Variants in CRX observed in about 807,000 individuals in gnomAD.
CRX encodes the protein cone-rod homeobox, also known as cone-rod homeobox protein.
In CRX, 5 loss-of-function variants were observed where a neutral mutation model predicts 13.1. The observed-to-expected ratio is 0.38, with a 90% CI of 0.20 to 0.80. CRX has a LOEUF of 0.80. CRX is among the 30% of genes least tolerant of loss of function. The pLI, the probability that CRX is intolerant of heterozygous loss-of-function variation, is 0.43. For missense variants in CRX, 351 were observed against 391.8 expected, an observed-to-expected ratio of 0.90 and a Z score of 0.88; for synonymous variants, 179 against 171.1, an observed-to-expected ratio of 1.05 and a Z score of -0.36.
chr19:47,823,170 C>T (rs1286139317), intron 1 of CRX, among the ~76,000 whole-genome samples: 1 of 152,132 alleles, frequency 6.6e-6, no homozygotes, highest in South Asian at 2.1e-4. Flanking sequence ...CCTTGTCTGT[C>T]TTGCTCTCGG....
chr19:47,840,006 C>A lies in CRX; in HGVS notation c.*39C>A. The A allele has an allele frequency of 6.2e-7, 1 of 1,607,058 alleles. No homozygotes were observed. The highest frequency in any genetic ancestry group is 8.5e-7 in the Non-Finnish European group (1 of 1,179,130). On this transcript the variant is annotated 3_prime_UTR_variant, in exon 4 of 4. Coordinates refer to ENST00000221996, the MANE Select transcript of CRX (RefSeq NM_000554.6). ...CATCTCTCTCCATCGGGCCTCGGGA[C>A]CCTTTCTCTTCTGAATCTGCTTCCC...
At chr19:47,826,608 GACCAAA>G (rs1312315000) in intron 1 of CRX, among the ~76,000 whole-genome samples, 3 of 152,090 alleles carry the variant, frequency 2.0e-5, no homozygotes. Flanking sequence ...CTGTCCCTAA[GACCAAA>G]ACCAAAACCA....
At chr19:47,831,437 G>A (rs12980396) in intron 1 of CRX, among the ~76,000 whole-genome samples, 75,454 of 151,820 alleles carry the variant, frequency 0.5, 19,377 homozygotes, top group Middle Eastern at 0.63. Context: ...ATTACTGCCT[G>A]AGCCCCGCCT....
intron 1 of CRX, among the ~76,000 whole-genome samples, chr19:47,826,940 T>G (rs1342426686): frequency 1.3e-5 from 2 of 152,096 alleles, no homozygotes; most frequent in Non-Finnish European, 2.9e-5. Flanking sequence ...CTTACTCTCA[T>G]AGCTGTTGGC....
At chr19:47,836,164 T>C in intron 2 of CRX, 79 bp from the exon 3 acceptor site, 2 of 1,570,900 alleles carry the variant, frequency 1.3e-6, no homozygotes, top group Admixed American at 3.3e-5. Context: ...GATGGAATTC[T>C]TGGCATCCCA....
Position 47,831,047 on chromosome 19 carries a change from G to A in CRX, c.-35-3362G>A, listed in dbSNP as rs146821505. Among the ~76,000 whole-genome samples, 446 of 152,002 alleles carry A rather than the reference G, an allele frequency of 2.9e-3. 11 individuals carry two copies. In the East Asian group the frequency reaches 0.031, roughly 11 times the overall value. On this transcript the variant is annotated intron_variant, in intron 1 of 3. Transcript: ENST00000221996. ...TAACAGACCGGGTGTAGTGGCTGAC[G>A]CCTGTAATCCCAGCACTTTGGGAAG...
At chr19:47,822,982 T>TGG (rs376746628) in intron 1 of CRX, among the ~76,000 whole-genome samples, 1 of 151,734 alleles carries the variant, frequency 6.6e-6, no homozygotes, top group Non-Finnish European at 1.5e-5. Context: ...TTAGTAGAGA[T>TGG]GGGGGGTCTC....
In CRX at chr19:47,834,412, C is replaced by T; in HGVS notation, c.-32C>T. On this transcript the variant is annotated 5_prime_UTR_variant, in exon 2 of 4. Transcript: ENST00000221996. ...CATCCCTCCTCTTCTCTTGCAGGCCCCCTGACTTGGGCCTCAGTGTCCCCG... is the reference window on the plus strand; with the variant it reads ...CATCCCTCCTCTTCTCTTGCAGGCCTCCTGACTTGGGCCTCAGTGTCCCCG... The T allele has an allele frequency of 6.5e-7, 1 of 1,533,296 alleles. No homozygotes were observed. Among genetic ancestry groups the T allele is most frequent in the Non-Finnish European group, 9.0e-7 (1 of 1,106,306 alleles). 95.0% of individuals were successfully genotyped at this position (1,533,296 alleles called of 1,614,324 possible). A position where few individuals can be genotyped will look rare whatever the true frequency, so the allele number is the denominator to read the frequency against.
At chr19:47,832,566 G>C (rs1264197172) in intron 1 of CRX, among the ~76,000 whole-genome samples, 1 of 148,900 alleles carries the variant, frequency 6.7e-6, no homozygotes, top group East Asian at 2.0e-4. Context: ...GCTCACTACA[G>C]CCTCCGCCTC....
intron 1 of CRX, among the ~76,000 whole-genome samples, chr19:47,833,029 CTTTT>C (rs35088115): frequency 5.3e-4 from 47 of 88,240 alleles, no homozygotes; most frequent in Middle Eastern, 7.6e-3. Flanking sequence ...TCCACACTCG[CTTTT>C]TTTTTTTTTT....
intron 1 of CRX, among the ~76,000 whole-genome samples, chr19:47,823,492 C>A (rs117529660): frequency 6.6e-6 from 1 of 152,040 alleles, no homozygotes; most frequent in Non-Finnish European, 1.5e-5. Context: ...GTCTCATGGC[C>A]GGCAGTGGGT....
Position 47,839,568 on chromosome 19 carries a change from A to G in CRX, c.501A>G (p.Ser167=), listed in dbSNP as rs1474277323. 8 of 1,612,420 alleles carry G rather than the reference A, an allele frequency of 5.0e-6. No homozygotes were observed. The South Asian group carries it at 7.7e-5, about 16-fold the overall frequency. ...VATVSIWSPA[S]ESPLPEAQRA... is the part of the protein sequence containing the mutation. ...CTGTGTCCATCTGGAGCCCAGCCTC[A>G]GAGTCCCCTTTGCCTGAGGCGCAGC... Residue 167 remains serine (S), a synonymous_variant, in exon 4 of 4, where the codon TCA becomes TCG. Transcript: ENST00000221996. This position sits in a 1 kb window ranked among gnomAD's most constrained non-coding sequence, Gnocchi z 4.6.
At chr19:47,831,222 G>A (rs1232471613) in intron 1 of CRX, among the ~76,000 whole-genome samples, 1 of 145,926 alleles carries the variant, frequency 6.9e-6, no homozygotes, top group Non-Finnish European at 1.5e-5. Flanking sequence ...CAGGAGAATC[G>A]CTTGAACCCA....
intron 1 of CRX, among the ~76,000 whole-genome samples, chr19:47,830,056 AAAT>A (rs909138393): frequency 3.4e-4 from 51 of 149,190 alleles, no homozygotes; most frequent in African/African-American, 1.2e-3. Flanking sequence ...ATAATAACAC[AAAT>A]AATAATAAAT....
intron 3 of CRX, among the ~76,000 whole-genome samples, chr19:47,836,892 A>G (rs1968123687): frequency 6.8e-6 from 1 of 147,754 alleles, no homozygotes; most frequent in Non-Finnish European, 1.5e-5. Flanking sequence ...GACTGAATAG[A>G]CGGATGGATG....
At chr19:47,836,218 G>C (rs899093066) in intron 2 of CRX, 25 bp from the exon 3 acceptor site, 1 of 1,613,838 alleles carries the variant, frequency 6.2e-7, no homozygotes, top group African/African-American at 1.3e-5. Context: ...ATGACCTGAG[G>C]GTCCTGTTTC....
chr19:47,830,412 G>A (rs762530311), intron 1 of CRX, among the ~76,000 whole-genome samples: 2 of 151,666 alleles, frequency 1.3e-5, no homozygotes, highest in Admixed American at 6.6e-5. Context: ...TGTTTCAAAG[G>A]AGAATTTGGG....
In CRX at chr19:47,841,873, G is replaced by A. The variant is rs1968201553; in HGVS notation, c.*1906G>A. On this transcript the variant is annotated 3_prime_UTR_variant, in exon 4 of 4. Transcript: ENST00000221996. ...GGCAAGGTGTAAAAAAAAAAGTAGG[G>A]CAGGAAGACAGTGGTGTGCTGGCAG... is the stretch of plus-strand genomic sequence containing the variant. 2 of 151,816 alleles carry A rather than the reference G, an allele frequency of 1.3e-5. No homozygotes were observed. Among genetic ancestry groups the A allele is most frequent in the African/African-American group, 4.8e-5 (2 of 41,270 alleles). The allele number at this position is 151,816 out of a possible 1,614,324, so 9.4% of individuals were successfully genotyped here.
intron 1 of CRX, among the ~76,000 whole-genome samples, chr19:47,833,261 TTTTG>T (rs1379536675): frequency 6.8e-6 from 1 of 147,672 alleles, no homozygotes; most frequent in Non-Finnish European, 1.5e-5. Context: ...TTTTGTTTGT[TTTTG>T]TTTTTGTTTT....
Sources: gnomAD v4.1 joint callset for allele counts (sites outside exome capture counted in the v4.1 genomes callset) on GRCh38, gnomAD v4.1.1 for gene constraint, Gnocchi (gnomAD v3.1) non-coding constraint, MANE v1.5 for transcripts, NCBI Gene and HGNC (gene_info 2026-07-23, HGNC 2026-07-21) for gene names.